The following RBFOX3 variants were observed in gnomAD, a reference collection of about 807,000 sequenced individuals.
RBFOX3 encodes the protein RNA binding protein fox-1 homolog 3.
RBFOX3 carries 17 observed loss-of-function variants against 48.7 expected under a neutral mutation model. The observed-to-expected ratio is 0.35, with a 90% confidence interval of 0.24 to 0.52. The LOEUF (loss-of-function observed/expected upper bound fraction) is 0.52, where lower values mean the gene tolerates loss of function less well. Ranked by LOEUF, RBFOX3 falls within the 20% of genes least tolerant of loss-of-function variation. RBFOX3 has a pLI of 0.94. For missense variants in RBFOX3, 382 were observed against 497.5 expected (o/e 0.77, Z 2.21); for synonymous variants, 212 against 209.5 (o/e 1.01, Z -0.10).
intron 2 of RBFOX3, among the ~76,000 whole-genome samples, chr17:79,445,654 G>A (rs2072101589): frequency 6.6e-6 from 1 of 152,202 alleles, no homozygotes; most frequent in Non-Finnish European, 1.5e-5. Flanking sequence ...CTTTCCTGGG[G>A]GCAAAGCCGG....
rs144186192 is a variant in RBFOX3 at position 79,367,532 on chromosome 17, C to A, written c.-174-59708G>T. 4.8e-3 allele frequency among the ~76,000 whole-genome samples: 725 copies of A among 152,170 alleles called. 6 individuals are homozygous for A. The highest frequency in any genetic ancestry group is 0.017 in the African/African-American group (689 of 41,526). Reference sequence around the variant, plus strand: ...CTGGGCTACAGGTGTCAGGAGAGACCGAGACAAGAGAAGACACACAGTAAG... The same window carrying A: ...CTGGGCTACAGGTGTCAGGAGAGACAGAGACAAGAGAAGACACACAGTAAG... On this transcript the variant is annotated intron_variant, in intron 2 of 14. Transcript: ENST00000693108.
intron 3 of RBFOX3, among the ~76,000 whole-genome samples, chr17:79,236,157 A>G (rs1241934951): frequency 6.6e-6 from 1 of 152,134 alleles, no homozygotes; most frequent in East Asian, 1.9e-4. Flanking sequence ...TTGTCCACAA[A>G]CGCAGGCCTT....
intron 5 of RBFOX3, among the ~76,000 whole-genome samples, chr17:79,108,989 C>T (rs994347310): frequency 1.3e-5 from 2 of 152,266 alleles, no homozygotes; most frequent in Admixed American, 6.5e-5. Flanking sequence ...CACCCCACAG[C>T]GTGGGAACCG....
At chr17:79,146,372 C>T (rs992381805) in intron 4 of RBFOX3, among the ~76,000 whole-genome samples, 6 of 152,208 alleles carry the variant, frequency 3.9e-5, no homozygotes, top group East Asian at 3.8e-4. Flanking sequence ...CCCCAGGGGC[C>T]GGCAGGCCCC....
At chr17:79,519,363 T>G (rs2085727733) in intron 1 of RBFOX3, among the ~76,000 whole-genome samples, 1 of 152,232 alleles carries the variant, frequency 6.6e-6, no homozygotes, top group Admixed American at 6.5e-5. Flanking sequence ...CTGCAAGTCC[T>G]AAGCCCTCTG....
At chr17:79,116,519 A>G (rs778187558) in intron 4 of RBFOX3, among the ~76,000 whole-genome samples, 1 of 152,234 alleles carries the variant, frequency 6.6e-6, no homozygotes, top group Non-Finnish European at 1.5e-5. Flanking sequence ...TCATCTTCAA[A>G]TAATTTTAAG....
At chr17:79,161,878 C>T (rs1267618150) in intron 4 of RBFOX3, among the ~76,000 whole-genome samples, 2 of 152,222 alleles carry the variant, frequency 1.3e-5, no homozygotes, top group Admixed American at 6.5e-5. Flanking sequence ...CAGGTATGAG[C>T]CACCGTGCCT....
At chr17:79,201,459 G>A (rs1366511904) in intron 4 of RBFOX3, among the ~76,000 whole-genome samples, 1 of 111,164 alleles carries the variant, frequency 9.0e-6, no homozygotes. Flanking sequence ...GCTTTCCAGG[G>A]CTAGGGAGCC....
In RBFOX3 at chr17:79,490,437, G is replaced by T. The variant is rs369594304; in HGVS notation, c.-319-7839C>A. 1.5e-3 allele frequency among the ~76,000 whole-genome samples: 234 copies of T among 152,312 alleles called. 4 individuals are homozygous for T. The highest frequency in any genetic ancestry group is 5.3e-3 in the African/African-American group (221 of 41,560). On this transcript the variant is annotated intron_variant, in intron 1 of 14. Transcript: ENST00000693108. ...GACTGCCTGACCCGGGTTCAGTGGG[G>T]CTGGGGGCCCAGAACCCTGGCCATG...
rs1419668388 is a variant in RBFOX3, at chr17:79,604,575, C to T, written c.-320+6251G>A. Among the ~76,000 whole-genome samples, 4 of 152,342 alleles carry T rather than the reference C, an allele frequency of 2.6e-5. 1 individual carries two copies. The highest frequency in any genetic ancestry group is 9.6e-5 in the African/African-American group (4 of 41,570). Reference sequence around the variant, plus strand: ...CTCTTAGGAACAGACCCTGGAGCTTCAGCCAGCCCCCAGCCCTCAAAAGTT... The same window carrying T: ...CTCTTAGGAACAGACCCTGGAGCTTTAGCCAGCCCCCAGCCCTCAAAAGTT... On this transcript the variant is annotated intron_variant, in intron 1 of 14. Coordinates refer to ENST00000693108, the MANE Select transcript of RBFOX3 (RefSeq NM_001350451.2).
At chr17:79,416,764 C>T (rs782560648) in intron 2 of RBFOX3, among the ~76,000 whole-genome samples, 3 of 152,226 alleles carry the variant, frequency 2.0e-5, no homozygotes, top group Non-Finnish European at 4.4e-5. Flanking sequence ...TACTGACAAG[C>T]GCAGCTGGCT....
chr17:79,532,096 C>A (rs1481140995), intron 1 of RBFOX3, among the ~76,000 whole-genome samples: 2 of 152,338 alleles, frequency 1.3e-5, no homozygotes, highest in South Asian at 2.1e-4. Context: ...TTCTTTTAGA[C>A]CTTGGCCTCA....
At chr17:79,611,747 G>A (rs1330271633), upstream of RBFOX3, among the ~76,000 whole-genome samples, 18 of 152,148 alleles carry the variant, frequency 1.2e-4, no homozygotes, top group African/African-American at 4.1e-4. Flanking sequence ...ACTAGGCCCA[G>A]GTGCCCTGAC....
In RBFOX3 at chr17:79,220,439, C is replaced by T. The variant is rs1001565017; in HGVS notation, c.-34+15327G>A. On this transcript the variant is annotated intron_variant, in intron 4 of 14. Transcript: ENST00000693108. The surrounding 1 kb of genome is among the most constrained non-coding windows in gnomAD (Gnocchi z 5.9). ...GTGTCTCTGCCTCTCGCTTTATTTC[C>T]CCAGGTTGCTCAGCTCCGTGCCTGC... Among the ~76,000 whole-genome samples the T allele has an allele frequency of 2.0e-5, 3 of 152,154 alleles. No homozygotes were observed. Among genetic ancestry groups the T allele is most frequent in the African/African-American group, 4.8e-5 (2 of 41,424 alleles).
At chr17:79,183,797 G>C (rs527817215) in intron 4 of RBFOX3, among the ~76,000 whole-genome samples, 2 of 152,296 alleles carry the variant, frequency 1.3e-5, no homozygotes, top group South Asian at 4.1e-4. Flanking sequence ...GCGGAGGGAA[G>C]AGAATCCGGA....
chr17:79,202,779 C>T lies in RBFOX3; in HGVS notation c.-34+32987G>A, dbSNP rs142330722. On this transcript the variant is annotated intron_variant, in intron 4 of 14. Coordinates refer to ENST00000693108, the MANE Select transcript of RBFOX3 (RefSeq NM_001350451.2). ...CCCTGGGGCTCTTCTGTTACTGCCA[C>T]GTGGGACTCCTGCAGAGCACACTCA... Among the ~76,000 whole-genome samples the T allele has an allele frequency of 3.3e-5, 5 of 152,382 alleles. No homozygotes were observed. In the East Asian group the frequency reaches 5.8e-4, roughly 18 times the overall value.
Position 79,220,085 on chromosome 17 carries a change from T to C in RBFOX3, c.-34+15681A>G, listed in dbSNP as rs1157206819. On this transcript the variant is annotated intron_variant, in intron 4 of 14. Coordinates refer to ENST00000693108, the MANE Select transcript of RBFOX3 (RefSeq NM_001350451.2). This position sits in a 1 kb window ranked among gnomAD's most constrained non-coding sequence, Gnocchi z 5.9. ...TGGCATGGCCTGGGAAGGCACGGGG[T>C]GGGGGGGTGGGGGGAGCACGCTGAG... Among the ~76,000 whole-genome samples the C allele has an allele frequency of 1.3e-4, 3 of 23,412 alleles. No homozygotes were observed. Among genetic ancestry groups the C allele is most frequent in the South Asian group, 1.9e-3 (1 of 524 alleles). The allele number at this position is 23,412 out of a possible 152,430, so 15.4% of individuals were successfully genotyped here.
At chr17:79,148,505 C>G (rs374325844) in intron 4 of RBFOX3, among the ~76,000 whole-genome samples, 2 of 152,176 alleles carry the variant, frequency 1.3e-5, no homozygotes, top group African/African-American at 4.8e-5. Flanking sequence ...CACACCCCCC[C>G]AGACCATGGT....
chr17:79,404,244 C>T (rs1051394640), intron 2 of RBFOX3, among the ~76,000 whole-genome samples: 4 of 152,324 alleles, frequency 2.6e-5, no homozygotes, highest in East Asian at 1.9e-4. Flanking sequence ...GGACAGTGGG[C>T]GTGGGCAGGG....
Sources: gnomAD v4.1 joint callset for allele counts (sites outside exome capture counted in the v4.1 genomes callset) on GRCh38, gnomAD v4.1.1 for gene constraint, Gnocchi (gnomAD v3.1) non-coding constraint, MANE v1.5 for transcripts, NCBI Gene and HGNC (gene_info 2026-07-23, HGNC 2026-07-21) for gene names.